TUSC3: variants seen among roughly 807,000 people sequenced by gnomAD.
The protein encoded by TUSC3 is dolichyl-diphosphooligosaccharide--protein glycosyltransferase subunit TUSC3.
TUSC3 carries 45 observed loss-of-function variants against 44.8 expected under a neutral mutation model. The observed-to-expected ratio is 1.00, with a 90% confidence interval of 0.79 to 1.29. The LOEUF (loss-of-function observed/expected upper bound fraction) is 1.29, where lower values mean the gene tolerates loss of function less well. TUSC3 is among the 50% of genes most tolerant of loss of function. The pLI, the probability that TUSC3 is intolerant of heterozygous loss-of-function variation, is 0.00. For synonymous variants in TUSC3, 212 were observed against 152.9 expected (o/e 1.39, Z -2.85); for missense variants, 519 against 437.9 (o/e 1.19, Z -1.65).
chr8:15,496,766 C>T (rs1225982256), intron 2 of TUSC3, among the ~76,000 whole-genome samples: 1 of 152,168 alleles, frequency 6.6e-6, no homozygotes, highest in Non-Finnish European at 1.5e-5. Context: ...CGTTTTAGCA[C>T]GGTCATTACA....
At chr8:15,641,608 A>G (rs1349847381) in intron 2 of TUSC3, among the ~76,000 whole-genome samples, 1 of 152,170 alleles carries the variant, frequency 6.6e-6, no homozygotes, top group African/African-American at 2.4e-5. Flanking sequence ...GTTATGCCTC[A>G]TGTTTTTAAC....
At chr8:15,520,757 C>G (rs924064901) in intron 2 of TUSC3, among the ~76,000 whole-genome samples, 17 of 152,164 alleles carry the variant, frequency 1.1e-4, no homozygotes, top group African/African-American at 4.1e-4. Context: ...CAAGAAATTT[C>G]CTACAAACAC....
At chr8:15,655,436 T>C (rs1345199050) in intron 3 of TUSC3, among the ~76,000 whole-genome samples, 1 of 152,184 alleles carries the variant, frequency 6.6e-6, no homozygotes, top group African/African-American at 2.4e-5. Context: ...CAAGCCACTG[T>C]GCAGGCACAT....
At chr8:15,709,189 A>G in intron 6 of TUSC3, among the ~76,000 whole-genome samples, 1 of 151,878 alleles carries the variant, frequency 6.6e-6, no homozygotes, top group Non-Finnish European at 1.5e-5. Flanking sequence ...GTCTTGGAAG[A>G]TCAGGTAGGT....
intron 6 of TUSC3, among the ~76,000 whole-genome samples, chr8:15,684,369 G>T (rs925533911): frequency 2.0e-5 from 3 of 152,098 alleles, no homozygotes; most frequent in Non-Finnish European, 4.4e-5. Flanking sequence ...TAGAGGAAGG[G>T]CAGAGGATCC....
intron 1 of TUSC3, among the ~76,000 whole-genome samples, chr8:15,589,840 C>G (rs182786168): frequency 3.4e-4 from 52 of 152,270 alleles, no homozygotes; most frequent in African/African-American, 1.2e-3. Flanking sequence ...GAACAAAATT[C>G]TGATTCTAGA....
intron 2 of TUSC3, among the ~76,000 whole-genome samples, chr8:15,484,469 G>A (rs571203923): frequency 6.6e-6 from 1 of 152,334 alleles, no homozygotes; most frequent in Non-Finnish European, 1.5e-5. Flanking sequence ...GCACAGTGTA[G>A]GACATAGAGC....
intron 6 of TUSC3, chr8:15,689,266 T>A (rs1315163666): frequency 8.6e-6 from 3 of 350,514 alleles, no homozygotes; most frequent in African/African-American, 2.2e-5. Context: ...GATCCACTTG[T>A]GAAATAGCTG....
chr8:15,788,296 C>G, the TUSC3 span, among the ~76,000 whole-genome samples: 11 of 152,068 alleles, frequency 7.2e-5, no homozygotes, highest in Admixed American at 2.0e-4. Flanking sequence ...TCTGTAATCC[C>G]AGCACTTGAA....
chr8:15,743,607 G>C lies in TUSC3; in HGVS notation c.932G>C (p.Arg311Thr), dbSNP rs772280452. 1 of 1,613,908 alleles carries C rather than the reference G, an allele frequency of 6.2e-7. No homozygotes were observed. Among genetic ancestry groups the C allele is most frequent in the Non-Finnish European group, 8.5e-7 (1 of 1,179,850 alleles). Residue 311 changes from arginine (R) to threonine (T), a missense_variant, in exon 8 of 11, where the codon AGA (arginine) becomes ACA (threonine). Physicochemically the swap from Arg to Thr is moderately conservative, Grantham distance 71 (BLOSUM62 -1). Transcript: ENST00000503731. ...AATSKGDVGK[R>T]RIICLVGLGL... ...ACTTCGAAAGGCGATGTTGGAAAAA[G>C]ACGGAGTAAGTCTCTGTGTTGCCAT...
At chr8:15,495,916 A>C (rs1800874603) in intron 2 of TUSC3, among the ~76,000 whole-genome samples, 1 of 152,170 alleles carries the variant, frequency 6.6e-6, no homozygotes, top group Non-Finnish European at 1.5e-5. Context: ...ACTATACACT[A>C]TTTAAATTTG....
At chr8:15,583,926 G>GT (rs1427649179) in intron 1 of TUSC3, among the ~76,000 whole-genome samples, 1 of 152,196 alleles carries the variant, frequency 6.6e-6, no homozygotes, top group African/African-American at 2.4e-5. Flanking sequence ...AATAAGAGGA[G>GT]TAGCACCTTA....
chr8:15,538,529 C>A (rs115569324), upstream of TUSC3, among the ~76,000 whole-genome samples: 201 of 152,252 alleles, frequency 1.3e-3, 2 homozygotes, highest in African/African-American at 4.6e-3. Flanking sequence ...TTTTCTGGGC[C>A]TTAATTTCTT....
chr8:15,556,900 A>G (rs1802289613), intron 1 of TUSC3, among the ~76,000 whole-genome samples: 1 of 147,786 alleles, frequency 6.8e-6, no homozygotes, highest in East Asian at 2.1e-4. Flanking sequence ...GATTCTGGAT[A>G]TTAGCCCTTT....
At chr8:15,451,982 A>G (rs1800201356) in intron 1 of TUSC3, among the ~76,000 whole-genome samples, 1 of 152,130 alleles carries the variant, frequency 6.6e-6, no homozygotes, top group Non-Finnish European at 1.5e-5. Context: ...TTCCACATAA[A>G]AGGCAGCCAA....
At chr8:15,683,950 C>T (rs1046200230) in intron 6 of TUSC3, among the ~76,000 whole-genome samples, 1 of 152,036 alleles carries the variant, frequency 6.6e-6, no homozygotes, top group Non-Finnish European at 1.5e-5. Flanking sequence ...GTGGGTTTCA[C>T]AGGCTCTGAG....
intron 6 of TUSC3, among the ~76,000 whole-genome samples, chr8:15,704,637 C>G (rs75089674): frequency 1.1e-5 from 1 of 89,454 alleles, no homozygotes; most frequent in African/African-American, 4.0e-5. Flanking sequence ...AAAGGAAACT[C>G]TTTTTTTTCC....
At chr8:15,690,233 G>A (rs1208280127) in intron 6 of TUSC3, among the ~76,000 whole-genome samples, 1 of 152,020 alleles carries the variant, frequency 6.6e-6, no homozygotes, top group East Asian at 1.9e-4. Context: ...GCATCTTGTG[G>A]TTTTGATTTG....
intron 2 of TUSC3, among the ~76,000 whole-genome samples, chr8:15,534,342 T>C (rs1801492672): frequency 6.6e-6 from 1 of 152,042 alleles, no homozygotes; most frequent in African/African-American, 2.4e-5. Flanking sequence ...GGTTAAAATA[T>C]CTGATAAAAA....
Sources: allele counts gnomAD v4.1 joint callset (sites outside exome capture counted in the v4.1 genomes callset), GRCh38; gene constraint gnomAD v4.1.1; transcripts MANE v1.5; gene names NCBI Gene and HGNC (gene_info 2026-07-23, HGNC 2026-07-21).